The following GASK1A variants were observed in gnomAD, a reference collection of about 807,000 sequenced individuals.
GASK1A encodes golgi associated kinase 1A, also known as Golgi-associated kinase 1A.
GASK1A carries 40 observed loss-of-function variants against 41.2 expected under a neutral mutation model. The observed-to-expected ratio is 0.97, with a 90% CI of 0.75 to 1.27. GASK1A has a LOEUF of 1.27. GASK1A is among the 50% of genes most tolerant of loss of function. The probability of loss-of-function intolerance (pLI) is 0.00; values close to 1 mark genes in which losing one functional copy is unlikely to be tolerated. For synonymous variants in GASK1A, 316 were observed against 307.1 expected, an observed-to-expected ratio of 1.03 and a Z score of -0.30; for missense variants, 678 against 745.1, an observed-to-expected ratio of 0.91 and a Z score of 1.05.
chr3:43,020,384 A>G (rs2089515418), intron 1 of GASK1A, among the ~76,000 whole-genome samples: 1 of 152,138 alleles, frequency 6.6e-6, no homozygotes, highest in South Asian at 2.1e-4. Context: ...CCTCCATACC[A>G]TCTTACTGGG....
At position 42,986,381 on chromosome 3, in the gene GASK1A, T is replaced by G. The variant is rs137863283; in HGVS notation, c.3+6736T>G. Reference sequence around the variant, plus strand: ...GAATTCTGGAGTGATGGAACTGTTGTGTCCTGACTGTGGTGGTGGACATGC... The same window carrying G: ...GAATTCTGGAGTGATGGAACTGTTGGGTCCTGACTGTGGTGGTGGACATGC... On this transcript the variant is annotated intron_variant, in intron 1 of 4. Transcript: ENST00000430121. 6.6e-5 allele frequency among the ~76,000 whole-genome samples: 10 copies of G among 152,348 alleles called. No individual in the cohort carries two copies. The East Asian group carries it at 1.9e-3, about 29-fold the overall frequency.
chr3:42,988,114 C>T (rs577382492), intron 1 of GASK1A, among the ~76,000 whole-genome samples: 15 of 152,126 alleles, frequency 9.9e-5, no homozygotes, highest in South Asian at 6.2e-4. Flanking sequence ...CTCCTCCAGC[C>T]AGTGTAGACA....
At position 43,033,262 on chromosome 3, in the gene GASK1A, C is replaced by T. The variant is rs891389412; in HGVS notation, c.999C>T (p.His333=). 50 of 1,551,574 alleles carry T rather than the reference C, an allele frequency of 3.2e-5. No individual in the cohort carries two copies. Among genetic ancestry groups the T allele is most frequent in the African/African-American group, 8.2e-5 (6 of 73,064 alleles). ...ACCTGCCTGAGGTCCTGTCCTTCCACGTAGATCGTGTGCTGGGGCTGCGCC... is the reference window on the plus strand; with the variant it reads ...ACCTGCCTGAGGTCCTGTCCTTCCATGTAGATCGTGTGCTGGGGCTGCGCC... ...PGDLPEVLSF[H]VDRVLGLRRS... is the part of the protein sequence containing the mutation. The change falls in exon 2 of 5, where the codon CAC becomes CAT. Residue 333 remains histidine (H), a synonymous_variant. Transcript: ENST00000430121.
At chr3:42,987,411 G>A (rs1046399789) in intron 1 of GASK1A, among the ~76,000 whole-genome samples, 3 of 152,086 alleles carry the variant, frequency 2.0e-5, no homozygotes, top group Admixed American at 6.5e-5. Context: ...GTACTGTGGC[G>A]TGCCTGGGCA....
At chr3:42,994,601 A>C (rs893549479) in intron 1 of GASK1A, among the ~76,000 whole-genome samples, 7 of 152,084 alleles carry the variant, frequency 4.6e-5, no homozygotes, top group Non-Finnish European at 1.0e-4. Context: ...GTAGACAAGC[A>C]GAACATTTTC....
intron 1 of GASK1A, among the ~76,000 whole-genome samples, chr3:43,028,060 G>A (rs1416297096): frequency 6.6e-6 from 1 of 152,248 alleles, no homozygotes; most frequent in Non-Finnish European, 1.5e-5. Context: ...TTGATTGAAA[G>A]AGTTAAGTTA....
chr3:43,012,053 G>A (rs1446533917), intron 1 of GASK1A, among the ~76,000 whole-genome samples: 2 of 151,888 alleles, frequency 1.3e-5, no homozygotes, highest in Non-Finnish European at 2.9e-5. Context: ...GCCAAAGGAA[G>A]GGACAGTGTT....
intron 2 of GASK1A, among the ~76,000 whole-genome samples, chr3:43,046,223 C>A: frequency 6.6e-6 from 1 of 152,262 alleles, no homozygotes; most frequent in Non-Finnish European, 1.5e-5. Context: ...CTTGTTGAAT[C>A]GCTTTGAACA....
intron 2 of GASK1A, among the ~76,000 whole-genome samples, chr3:43,043,691 G>A (rs2089648705): frequency 6.6e-6 from 1 of 152,124 alleles, no homozygotes; most frequent in Non-Finnish European, 1.5e-5. Context: ...CAGAGTAAGG[G>A]CATTACAATG....
intron 1 of GASK1A, among the ~76,000 whole-genome samples, chr3:42,981,460 C>CA (rs1450672491): frequency 6.6e-6 from 1 of 152,026 alleles, no homozygotes; most frequent in Admixed American, 6.6e-5. Context: ...CATTTAGCTC[C>CA]AAAAATGGGT....
At chr3:42,994,982 G>A (rs1272311868) in intron 1 of GASK1A, among the ~76,000 whole-genome samples, 5 of 152,174 alleles carry the variant, frequency 3.3e-5, no homozygotes, top group African/African-American at 4.8e-5. Context: ...CACCTGAAAT[G>A]TGACCAGTAC....
chr3:43,025,953 A>G (rs1023790196), intron 1 of GASK1A, among the ~76,000 whole-genome samples: 3 of 152,234 alleles, frequency 2.0e-5, no homozygotes, highest in African/African-American at 7.2e-5. Context: ...ATACTTGGGA[A>G]CAGCGTAAGA....
chr3:42,993,108 G>T (rs1341482565), intron 1 of GASK1A, among the ~76,000 whole-genome samples: 1 of 152,192 alleles, frequency 6.6e-6, no homozygotes, highest in Non-Finnish European at 1.5e-5. Context: ...CATCCACAAG[G>T]ACTCAAATAT....
intron 1 of GASK1A, among the ~76,000 whole-genome samples, chr3:43,012,072 G>A (rs1031677199): frequency 3.3e-5 from 5 of 151,838 alleles, no homozygotes; most frequent in African/African-American, 1.2e-4. Context: ...TTGAGCCATA[G>A]GCAGGGGCTG....
At chr3:43,034,713 A>G (rs2089596529) in intron 2 of GASK1A, among the ~76,000 whole-genome samples, 1 of 152,164 alleles carries the variant, frequency 6.6e-6, no homozygotes, top group African/African-American at 2.4e-5. Flanking sequence ...TTCTTAGATA[A>G]TATGTAATAC....
chr3:43,036,447 T>C (rs1676654106), intron 2 of GASK1A, among the ~76,000 whole-genome samples: 1 of 152,212 alleles, frequency 6.6e-6, no homozygotes, highest in South Asian at 2.1e-4. Context: ...TATAAACCCT[T>C]GTTTTTCTGT....
intron 1 of GASK1A, among the ~76,000 whole-genome samples, chr3:43,000,177 A>C (rs1416856620): frequency 6.6e-6 from 1 of 152,156 alleles, no homozygotes; most frequent in African/African-American, 2.4e-5. Flanking sequence ...CTTACCCATC[A>C]TCAGTTGGCC....
chr3:43,022,587 G>A (rs766781252), intron 1 of GASK1A, among the ~76,000 whole-genome samples: 8 of 152,094 alleles, frequency 5.3e-5, no homozygotes, highest in Non-Finnish European at 1.2e-4. Flanking sequence ...ATGGCCGTGG[G>A]CAAACATTGG....
chr3:43,034,180 AAG>A (rs1017363774), intron 2 of GASK1A, among the ~76,000 whole-genome samples: 1 of 152,222 alleles, frequency 6.6e-6, no homozygotes, highest in African/African-American at 2.4e-5. Context: ...ATTTTTAAAA[AAG>A]AGAGAGGGAG....
Sources: allele counts gnomAD v4.1 joint callset (sites outside exome capture counted in the v4.1 genomes callset), GRCh38; gene constraint gnomAD v4.1.1; transcripts MANE v1.5; gene names NCBI Gene and HGNC (gene_info 2026-07-23, HGNC 2026-07-21).